PPP1R13B: variants seen among roughly 807,000 people sequenced by gnomAD.
The protein encoded by PPP1R13B is apoptosis-stimulating of p53 protein 1.
A neutral mutation model predicts 119.8 loss-of-function variants in PPP1R13B; 44 were observed. The observed-to-expected ratio is 0.37, with a 90% confidence interval of 0.29 to 0.47. The LOEUF (loss-of-function observed/expected upper bound fraction) is 0.47, where lower values mean the gene tolerates loss of function less well. PPP1R13B is among the 20% of genes least tolerant of loss of function. The pLI, the probability that PPP1R13B is intolerant of heterozygous loss-of-function variation, is 0.99. For missense variants in PPP1R13B, 1,227 were observed against 1,413.5 expected (o/e 0.87, Z 2.12); for synonymous variants, 542 against 561.5 (o/e 0.97, Z 0.49).
intron 4 of PPP1R13B, among the ~76,000 whole-genome samples, chr14:103,772,976 T>A (rs545893007): frequency 1.6e-4 from 25 of 152,316 alleles, no homozygotes; most frequent in African/African-American, 5.8e-4. Context: ...CTATTTCTTT[T>A]TTGAATTGGG....
intron 4 of PPP1R13B, among the ~76,000 whole-genome samples, chr14:103,769,209 C>T (rs2085008233): frequency 6.6e-6 from 1 of 152,086 alleles, no homozygotes; most frequent in African/African-American, 2.4e-5. Context: ...CTTAAGCCTC[C>T]CGAGTAGCTG....
At chr14:103,840,673 C>G (rs2086882619) in intron 1 of PPP1R13B, among the ~76,000 whole-genome samples, 1 of 151,932 alleles carries the variant, frequency 6.6e-6, no homozygotes, top group African/African-American at 2.4e-5. Context: ...TGCCTGTAAA[C>G]CCAGCTGCTT....
At chr14:103,786,835 C>G (rs999903398) in intron 2 of PPP1R13B, among the ~76,000 whole-genome samples, 4 of 145,158 alleles carry the variant, frequency 2.8e-5, no homozygotes, top group Non-Finnish European at 6.0e-5. Context: ...ACTCAGGAGG[C>G]TGAGGTGGGA....
intron 1 of PPP1R13B, among the ~76,000 whole-genome samples, chr14:103,806,655 C>T (rs1406777587): frequency 3.9e-5 from 6 of 152,124 alleles, no homozygotes; most frequent in Admixed American, 1.3e-4. Context: ...TAAGTCTAAG[C>T]CATCACCCTA....
At chr14:103,790,678 T>A (rs2085595353) in intron 2 of PPP1R13B, among the ~76,000 whole-genome samples, 1 of 151,968 alleles carries the variant, frequency 6.6e-6, no homozygotes, top group South Asian at 2.1e-4. Context: ...ACCACTGCAC[T>A]CCAGCCTGCG....
chr14:103,746,374 G>C lies in PPP1R13B; in HGVS notation c.1149C>G (p.Ser383=). The C allele has an allele frequency of 6.3e-7, 1 of 1,586,010 alleles. No homozygotes were observed. Among genetic ancestry groups the C allele is most frequent in the Non-Finnish European group, 8.6e-7 (1 of 1,165,606 alleles). The part of the protein sequence containing the change: ...ASNAAHGRSK[S]ANDGNWPTLK... Reference sequence around the variant, plus strand: ...AGGAAGAGGGCCAGGACCACTCACCGGATTTGGATCTTCCATGAGCAGCAT... The same window carrying C: ...AGGAAGAGGGCCAGGACCACTCACCCGATTTGGATCTTCCATGAGCAGCAT... Residue 383 remains serine (S), a splice_region_variant and synonymous_variant, in exon 9 of 17, where the codon TCC becomes TCG. Transcript: ENST00000202556.
intron 4 of PPP1R13B, among the ~76,000 whole-genome samples, chr14:103,758,532 G>A (rs1054008814): frequency 6.6e-6 from 1 of 152,184 alleles, no homozygotes; most frequent in Non-Finnish European, 1.5e-5. Flanking sequence ...CCCACACCAC[G>A]TGCACTGTGT....
intron 1 of PPP1R13B, chr14:103,840,172 C>T (rs886491578): frequency 6.6e-6 from 1 of 152,140 alleles, no homozygotes; most frequent in African/African-American, 2.4e-5. Context: ...ATCTGATTAC[C>T]ACCATTCCTC....
At chr14:103,810,071 GC>G (rs923146006) in intron 1 of PPP1R13B, among the ~76,000 whole-genome samples, 2 of 149,054 alleles carry the variant, frequency 1.3e-5, no homozygotes, top group Non-Finnish European at 3.0e-5. Context: ...TGATCTGCCC[GC>G]CTTGGCCTCC....
chr14:103,736,719 C>G (rs1433148675), intron 15 of PPP1R13B: 2 of 155,590 alleles, frequency 1.3e-5, no homozygotes, highest in African/African-American at 4.8e-5. Flanking sequence ...CGGCAGCCTC[C>G]TCCTCACACT....
chr14:103,842,567 T>C (rs1265204142), intron 1 of PPP1R13B, among the ~76,000 whole-genome samples: 1 of 151,134 alleles, frequency 6.6e-6, no homozygotes, highest in Non-Finnish European at 1.5e-5. Flanking sequence ...CTTCCCAAAG[T>C]GCTGGGATTA....
intron 1 of PPP1R13B, among the ~76,000 whole-genome samples, chr14:103,810,401 T>C (rs1249097830): frequency 6.6e-6 from 1 of 151,672 alleles, no homozygotes; most frequent in Non-Finnish European, 1.5e-5. Context: ...CTCTCAAAAA[T>C]AATAAAAAAT....
At chr14:103,844,705 AAC>A (rs2086988790) in intron 1 of PPP1R13B, among the ~76,000 whole-genome samples, 1 of 152,160 alleles carries the variant, frequency 6.6e-6, no homozygotes, top group African/African-American at 2.4e-5. Flanking sequence ...CAGCCTGGGC[AAC>A]AGAGTGAGAC....
intron 3 of PPP1R13B, among the ~76,000 whole-genome samples, chr14:103,780,485 CAAAAAAAAAAAA>C (rs34274916): frequency 2.8e-4 from 10 of 36,194 alleles, no homozygotes; most frequent in Non-Finnish European, 3.6e-4. Flanking sequence ...AACCCTGTCT[CAAAAAAAAAAAA>C]AAAAAAAAAA....
At chr14:103,746,699 T>A in intron 8 of PPP1R13B, 146 bp from the exon 9 acceptor site, 1 of 629,050 alleles carries the variant, frequency 1.6e-6, no homozygotes, top group Non-Finnish European at 2.6e-6. Context: ...GATCAGCATC[T>A]AGAAGGGGAG....
intron 1 of PPP1R13B, among the ~76,000 whole-genome samples, chr14:103,842,389 G>A (rs2086930548): frequency 7.1e-6 from 1 of 141,800 alleles, no homozygotes; most frequent in South Asian, 2.3e-4. Context: ...TGCAACCTCC[G>A]CCTCCCAGGT....
chr14:103,761,271 A>AT (rs769620047), intron 4 of PPP1R13B, among the ~76,000 whole-genome samples: 10 of 96,836 alleles, frequency 1.0e-4, no homozygotes, highest in African/African-American at 4.4e-4. Flanking sequence ...AAGACCCTAT[A>AT]TTTAAAAAAA....
At chr14:103,813,669 C>T (rs187469363) in intron 1 of PPP1R13B, among the ~76,000 whole-genome samples, 40 of 150,322 alleles carry the variant, frequency 2.7e-4, no homozygotes, top group African/African-American at 3.1e-4. Context: ...TTATAAATTA[C>T]CCAGTCTCCG....
intron 1 of PPP1R13B, among the ~76,000 whole-genome samples, chr14:103,827,174 A>G (rs1299093636): frequency 6.6e-6 from 1 of 151,342 alleles, no homozygotes; most frequent in East Asian, 1.9e-4. Flanking sequence ...AATACAAAAA[A>G]TTAGCCAGGT....
Sources: allele counts gnomAD v4.1 joint callset (sites outside exome capture counted in the v4.1 genomes callset), GRCh38; gene constraint gnomAD v4.1.1; transcripts MANE v1.5; gene names NCBI Gene and HGNC (gene_info 2026-07-23, HGNC 2026-07-21).